The following SLC2A13 variants were observed in gnomAD, a reference collection of about 807,000 sequenced individuals.
The protein encoded by SLC2A13 is proton myo-inositol cotransporter.
Under a neutral mutation model 64.4 loss-of-function variants are expected in SLC2A13, and 32 were observed. That is an observed-to-expected ratio of 0.50 (90% CI 0.37 to 0.67). The LOEUF (loss-of-function observed/expected upper bound fraction) is 0.67, where lower values mean the gene tolerates loss of function less well. Among genes scored for constraint, SLC2A13 ranks in the 30% least tolerant of loss-of-function variants. SLC2A13 has a pLI of 0.00. For synonymous variants in SLC2A13, 338 were observed against 327.1 expected (o/e 1.03, Z -0.36); for missense variants, 743 against 829.2 (o/e 0.90, Z 1.28).
At chr12:39,958,026 G>T (rs1292272064) in intron 3 of SLC2A13, among the ~76,000 whole-genome samples, 1 of 152,130 alleles carries the variant, frequency 6.6e-6, no homozygotes, top group African/African-American at 2.4e-5. Flanking sequence ...TGCCACTCAG[G>T]TACATACAAA....
chr12:39,807,307 A>C (rs1003568275), intron 7 of SLC2A13, among the ~76,000 whole-genome samples: 1 of 152,172 alleles, frequency 6.6e-6, no homozygotes, highest in African/African-American at 2.4e-5. Flanking sequence ...ACAAGCCTAC[A>C]TATGATAACA....
intron 3 of SLC2A13, among the ~76,000 whole-genome samples, chr12:40,004,480 G>A (rs562539385): frequency 6.6e-5 from 10 of 152,130 alleles, no homozygotes; most frequent in Middle Eastern, 3.4e-3. Flanking sequence ...CACCATACCC[G>A]GCCACTGTAC....
chr12:39,917,565 G>C (rs867163959), intron 4 of SLC2A13, among the ~76,000 whole-genome samples: 6 of 152,104 alleles, frequency 3.9e-5, no homozygotes, highest in Non-Finnish European at 5.9e-5. Context: ...GGCCTTAACA[G>C]AACAAAAGGT....
At chr12:40,010,896 T>C (rs1947519967) in intron 3 of SLC2A13, among the ~76,000 whole-genome samples, 1 of 152,084 alleles carries the variant, frequency 6.6e-6, no homozygotes, top group Non-Finnish European at 1.5e-5. Flanking sequence ...GCTGTGAGTG[T>C]GTTGTGTTTT....
chr12:39,902,152 T>C lies in SLC2A13; in HGVS notation c.1035-30191A>G, dbSNP rs572225529. On this transcript the variant is annotated intron_variant, in intron 4 of 9. Coordinates refer to ENST00000280871, the MANE Select transcript of SLC2A13 (RefSeq NM_052885.4). ...GTGGGAATTGAACAATGAGAACACA[T>C]GGACACAGGAATGAGAACATCACAC... Among the ~76,000 whole-genome samples the C allele has an allele frequency of 1.8e-4, 24 of 130,106 alleles. No individual in the cohort carries two copies. The East Asian group carries it at 3.1e-3, about 17-fold the overall frequency. 85.4% of individuals were successfully genotyped at this position (130,106 alleles called of 152,430 possible). A position where few individuals can be genotyped will look rare whatever the true frequency, so the allele number is the denominator to read the frequency against.
rs754665873 is a variant in SLC2A13 at position 39,951,387 on chromosome 12, A to G, written c.926-22T>C. ...CCAGCTTTTTTAAGAAAGAAAGAAA[A>G]AAAAAATACAACTATTATTTTTAGC... On this transcript the variant is annotated intron_variant, in intron 3 of 9. Coordinates refer to ENST00000280871, the MANE Select transcript of SLC2A13 (RefSeq NM_052885.4). 16 of 1,550,824 alleles carry G rather than the reference A, an allele frequency of 1.0e-5. No individual in the cohort carries two copies. In the East Asian group the frequency reaches 1.1e-4, roughly 11 times the overall value.
At chr12:40,029,476 A>G (rs1241721696) in intron 2 of SLC2A13, among the ~76,000 whole-genome samples, 1 of 152,224 alleles carries the variant, frequency 6.6e-6, no homozygotes, top group Admixed American at 6.5e-5. Flanking sequence ...TTCTATTTCT[A>G]TAACAAACCA....
chr12:39,832,161 G>A (rs1026982939), intron 6 of SLC2A13, among the ~76,000 whole-genome samples: 2 of 152,128 alleles, frequency 1.3e-5, no homozygotes, highest in African/African-American at 4.8e-5. Flanking sequence ...CTGGTGATAA[G>A]CACACTAAAC....
intron 6 of SLC2A13, among the ~76,000 whole-genome samples, chr12:39,834,880 G>A (rs539448298): frequency 5.3e-5 from 8 of 152,086 alleles, no homozygotes; most frequent in Admixed American, 3.3e-4. Context: ...TAAATATCCT[G>A]GGGAATCTGC....
At chr12:39,895,241 C>A (rs1474784603) in intron 4 of SLC2A13, among the ~76,000 whole-genome samples, 2 of 151,598 alleles carry the variant, frequency 1.3e-5, no homozygotes, top group Non-Finnish European at 2.9e-5. Context: ...CTGAATAAGT[C>A]ATTTAAAAAA....
intron 3 of SLC2A13, among the ~76,000 whole-genome samples, chr12:39,984,210 G>T (rs941928750): frequency 6.6e-6 from 1 of 151,888 alleles, no homozygotes; most frequent in African/African-American, 2.4e-5. Flanking sequence ...GGATAGCATT[G>T]GGAGATATAC....
intron 3 of SLC2A13, among the ~76,000 whole-genome samples, chr12:39,992,288 C>T (rs148941642): frequency 3.3e-5 from 5 of 152,264 alleles, no homozygotes; most frequent in African/African-American, 7.2e-5. Flanking sequence ...GTGCTTTCTA[C>T]CCTTATTCTA....
intron 4 of SLC2A13, among the ~76,000 whole-genome samples, chr12:39,927,904 C>A (rs1945755335): frequency 6.6e-6 from 1 of 151,968 alleles, no homozygotes; most frequent in Non-Finnish European, 1.5e-5. Context: ...CCATGAAGTA[C>A]CCAAAACACA....
At chr12:39,869,613 T>A (rs1236812008) in intron 5 of SLC2A13, among the ~76,000 whole-genome samples, 1 of 152,168 alleles carries the variant, frequency 6.6e-6, no homozygotes, top group African/African-American at 2.4e-5. Flanking sequence ...AGGTTGCTCA[T>A]GAGAAGCAGA....
intron 5 of SLC2A13, among the ~76,000 whole-genome samples, chr12:39,868,421 CA>C (rs1355238247): frequency 1.3e-5 from 2 of 152,160 alleles, no homozygotes; most frequent in Non-Finnish European, 1.5e-5. Context: ...TTTCCCTTCC[CA>C]TGACTCTACC....
intron 4 of SLC2A13, among the ~76,000 whole-genome samples, chr12:39,906,415 A>G (rs1945284089): frequency 6.6e-6 from 1 of 152,142 alleles, no homozygotes; most frequent in Non-Finnish European, 1.5e-5. Context: ...ATACCTACAC[A>G]CAATAGATAT....
intron 4 of SLC2A13, among the ~76,000 whole-genome samples, chr12:39,879,910 TC>T (rs1944297621): frequency 6.6e-6 from 1 of 152,164 alleles, no homozygotes; most frequent in South Asian, 2.1e-4. Context: ...TGAATTGTAA[TC>T]CCAAGGCTGG....
intron 2 of SLC2A13, among the ~76,000 whole-genome samples, chr12:40,034,275 C>T (rs553362935): frequency 9.2e-5 from 14 of 152,324 alleles, no homozygotes; most frequent in Admixed American, 3.9e-4. Flanking sequence ...ATCCTCCCAA[C>T]AGGCCATGAA....
chr12:39,914,867 T>A (rs1355166179), intron 4 of SLC2A13, among the ~76,000 whole-genome samples: 1 of 151,952 alleles, frequency 6.6e-6, no homozygotes. Context: ...TGTACAAAAG[T>A]ATCTTTACGA....
Sources: allele counts gnomAD v4.1 joint callset (sites outside exome capture counted in the v4.1 genomes callset), GRCh38; gene constraint gnomAD v4.1.1; transcripts MANE v1.5; gene names NCBI Gene and HGNC (gene_info 2026-07-23, HGNC 2026-07-21).